Variants in RASEF observed in about 807,000 individuals in gnomAD.
RASEF encodes RAS and EF-hand domain containing.
RASEF carries 68 observed loss-of-function variants against 90.1 expected under a neutral mutation model. The observed-to-expected ratio is 0.75, with a 90% CI of 0.62 to 0.92. The LOEUF is 0.92. RASEF is among the 40% of genes least tolerant of loss of function. The pLI, the probability that RASEF is intolerant of heterozygous loss-of-function variation, is 0.00. For missense variants in RASEF, 949 were observed against 937.2 expected (o/e 1.01, Z -0.16); for synonymous variants, 331 against 345.2 (o/e 0.96, Z 0.46).
At chr9:83,186,616 C>G in the RASEF span, among the ~76,000 whole-genome samples, 1 of 152,130 alleles carries the variant, frequency 6.6e-6, no homozygotes. Context: ...TGCTCCTCTT[C>G]TTCCTAACAG....
At chr9:82,998,737 TTGTGTGTGTG>T (rs140716164) in intron 12 of RASEF, among the ~76,000 whole-genome samples, 1 of 150,392 alleles carries the variant, frequency 6.6e-6, no homozygotes, top group African/African-American at 2.4e-5. Context: ...TCAGTCATAT[TTGTGTGTGTG>T]TGTGTGTGGG....
At chr9:83,133,140 G>A in the RASEF span, among the ~76,000 whole-genome samples, 1 of 152,110 alleles carries the variant, frequency 6.6e-6, no homozygotes, top group Non-Finnish European at 1.5e-5. Flanking sequence ...AAGAGAGAGA[G>A]ATTTTGTTCC....
At chr9:83,162,528 T>C in the RASEF span, among the ~76,000 whole-genome samples, 1 of 152,178 alleles carries the variant, frequency 6.6e-6, no homozygotes, top group African/African-American at 2.4e-5. Context: ...AATATAAAAA[T>C]TAATTTGTAG....
the RASEF span, among the ~76,000 whole-genome samples, chr9:83,214,339 C>G: frequency 6.6e-6 from 1 of 152,166 alleles, no homozygotes; most frequent in Non-Finnish European, 1.5e-5. Flanking sequence ...GAGTCAAGAT[C>G]ATGCCACTGC....
At chr9:83,097,454 G>C in the RASEF span, among the ~76,000 whole-genome samples, 1 of 152,192 alleles carries the variant, frequency 6.6e-6, no homozygotes, top group Non-Finnish European at 1.5e-5. Context: ...ACTACCATCA[G>C]AGTGAACAGG....
chr9:83,097,163 G>A, the RASEF span, among the ~76,000 whole-genome samples: 2 of 152,180 alleles, frequency 1.3e-5, no homozygotes, highest in Admixed American at 6.5e-5. Context: ...TGGGATGGCT[G>A]GGTCAAATGG....
chr9:83,021,563 C>T (rs1354980918), intron 3 of RASEF, among the ~76,000 whole-genome samples: 4 of 152,186 alleles, frequency 2.6e-5, no homozygotes, highest in African/African-American at 9.7e-5. Flanking sequence ...TAAAGGCATA[C>T]AATCAGCCCT....
At position 82,997,222 on chromosome 9, in the gene RASEF, C is replaced by G. The variant is rs1415997658; in HGVS notation, c.1806-96G>C. On this transcript the variant is annotated intron_variant, in intron 13 of 16. Coordinates refer to ENST00000376447, the MANE Select transcript of RASEF (RefSeq NM_152573.4). ...TTTTCTCCTCTTCTAAAATCAACAC[C>G]AGTTGAGAAGACTCTAACTGCAATA... 12 of 769,870 alleles carry G rather than the reference C, an allele frequency of 1.6e-5. No homozygotes were observed. In the East Asian group the frequency reaches 3.1e-4, roughly 20 times the overall value. The allele number at this position is 769,870 out of a possible 1,614,324, so 47.7% of individuals were successfully genotyped here. A position where few individuals can be genotyped will look rare whatever the true frequency, so the allele number is the denominator to read the frequency against.
the RASEF span, among the ~76,000 whole-genome samples, chr9:83,095,799 G>C: frequency 6.6e-6 from 1 of 151,900 alleles, no homozygotes. Flanking sequence ...AGACTCACAG[G>C]TGCCCATAAA....
chr9:83,000,272 C>T lies in RASEF; in HGVS notation c.1620G>A (p.Lys540=), dbSNP rs781630047. 1.9e-6 allele frequency: 3 copies of T among 1,614,082 alleles called. No individual in the cohort carries two copies. The Admixed American group carries it at 5.0e-5, about 27-fold the overall frequency. The change falls in exon 12 of 17, where the codon AAG becomes AAA. Residue 540 remains lysine, a synonymous_variant. Transcript: ENST00000376447. ...CCCCAGCAAGTACAATCTTGTAAGCCTTCTGTGAGCTAAAAGATTTAGCGT... is the reference window on the plus strand; with the variant it reads ...CCCCAGCAAGTACAATCTTGTAAGCTTTCTGTGAGCTAAAAGATTTAGCGT... ...DDNAKSFSSQ[K]AYKIVLAGDA...
At chr9:83,218,245 T>C in the RASEF span, among the ~76,000 whole-genome samples, 1 of 152,142 alleles carries the variant, frequency 6.6e-6, no homozygotes, top group Admixed American at 6.5e-5. Flanking sequence ...CCTGGGAGTT[T>C]CTGAAATTCT....
chr9:83,208,655 C>T, the RASEF span, among the ~76,000 whole-genome samples: 8 of 152,188 alleles, frequency 5.3e-5, no homozygotes, highest in Non-Finnish European at 1.0e-4. Context: ...TCCTCCCTCC[C>T]TCTCATTCCT....
intron 14 of RASEF, among the ~76,000 whole-genome samples, chr9:82,994,441 C>T (rs1414920869): frequency 6.6e-6 from 1 of 152,216 alleles, no homozygotes; most frequent in Non-Finnish European, 1.5e-5. Flanking sequence ...CCACAGCCCA[C>T]TTCCTTATCG....
At chr9:83,056,873 C>T (rs1830111863) in intron 1 of RASEF, among the ~76,000 whole-genome samples, 1 of 152,218 alleles carries the variant, frequency 6.6e-6, no homozygotes, top group African/African-American at 2.4e-5. Flanking sequence ...TCTGAGCAAT[C>T]AGTGAATTCT....
the RASEF span, among the ~76,000 whole-genome samples, chr9:83,069,926 T>C: frequency 4.6e-5 from 7 of 152,220 alleles, no homozygotes; most frequent in African/African-American, 1.7e-4. Flanking sequence ...CAACTTTTCA[T>C]ATGTCTATCA....
At chr9:83,017,329 A>G (rs1193742773) in intron 3 of RASEF, among the ~76,000 whole-genome samples, 1 of 151,010 alleles carries the variant, frequency 6.6e-6, no homozygotes, top group Non-Finnish European at 1.5e-5. Flanking sequence ...ACTAAAAAAA[A>G]AAAAAAAAAA....
At chr9:83,184,640 TTC>T in the RASEF span, among the ~76,000 whole-genome samples, 1 of 152,000 alleles carries the variant, frequency 6.6e-6, no homozygotes, top group Non-Finnish European at 1.5e-5. Flanking sequence ...CATCCTGTGT[TTC>T]TCTCTAAAGA....
chr9:83,075,982 C>A, the RASEF span, among the ~76,000 whole-genome samples: 1 of 151,780 alleles, frequency 6.6e-6, no homozygotes, highest in Non-Finnish European at 1.5e-5. Flanking sequence ...AGCCTGGCCA[C>A]CACAGTGAAA....
chr9:83,175,289 C>G, the RASEF span, among the ~76,000 whole-genome samples: 1 of 152,022 alleles, frequency 6.6e-6, no homozygotes, highest in Non-Finnish European at 1.5e-5. Flanking sequence ...TCTTCTATTC[C>G]CAGTTTGTTT....
Sources: allele counts gnomAD v4.1 joint callset (sites outside exome capture counted in the v4.1 genomes callset), GRCh38; gene constraint gnomAD v4.1.1; transcripts MANE v1.5; gene names NCBI Gene and HGNC (gene_info 2026-07-23, HGNC 2026-07-21).